ADAMTSL1: variants seen among roughly 807,000 people sequenced by gnomAD.
The protein encoded by ADAMTSL1 is ADAMTS-like protein 1.
In ADAMTSL1, 126 loss-of-function variants were observed where a neutral mutation model predicts 201.8. That is an observed-to-expected ratio of 0.62 (90% CI 0.54 to 0.72). ADAMTSL1 has a LOEUF of 0.72. ADAMTSL1 is among the 30% of genes least tolerant of loss of function. The probability of loss-of-function intolerance (pLI) is 0.00; values close to 1 mark genes in which losing one functional copy is unlikely to be tolerated. For missense variants in ADAMTSL1, 2,679 were observed against 2,277.8 expected (o/e 1.18, Z -3.59); for synonymous variants, 1,121 against 903.4 (o/e 1.24, Z -4.32).
At chr9:17,908,964 A>G (rs967194564) in intron 1 of ADAMTSL1, among the ~76,000 whole-genome samples, 33 of 151,190 alleles carry the variant, frequency 2.2e-4, no homozygotes, top group African/African-American at 8.0e-4. Flanking sequence ...CTATTTCTCC[A>G]CATCCTCTCC....
chr9:18,495,727 T>A (rs1364257124), intron 1 of ADAMTSL1, among the ~76,000 whole-genome samples: 1 of 151,986 alleles, frequency 6.6e-6, no homozygotes. Flanking sequence ...AGGTACAGAG[T>A]TTTTGATGGA....
chr9:18,605,955 T>A (rs976619429), intron 4 of ADAMTSL1, among the ~76,000 whole-genome samples: 22 of 152,036 alleles, frequency 1.4e-4, no homozygotes, highest in Non-Finnish European at 3.1e-4. Flanking sequence ...GCTCTGGAAT[T>A]GATAGTGTGT....
chr9:18,651,726 G>C (rs1427860256), intron 7 of ADAMTSL1, among the ~76,000 whole-genome samples: 1 of 152,070 alleles, frequency 6.6e-6, no homozygotes, highest in Non-Finnish European at 1.5e-5. Flanking sequence ...TGCGATTTCT[G>C]CTTGCATCAG....
At chr9:17,927,352 G>A (rs780621840) in intron 1 of ADAMTSL1, among the ~76,000 whole-genome samples, 13 of 151,694 alleles carry the variant, frequency 8.6e-5, no homozygotes, top group Non-Finnish European at 1.6e-4. Flanking sequence ...ATATGTACAT[G>A]TACATATATA....
chr9:18,840,801 G>C (rs1825667416), intron 23 of ADAMTSL1, among the ~76,000 whole-genome samples: 1 of 149,346 alleles, frequency 6.7e-6, no homozygotes, highest in Non-Finnish European at 1.5e-5. Flanking sequence ...TGAAGCAATT[G>C]TGAATGGGAG....
chr9:18,240,785 G>C (rs576947421), intron 2 of ADAMTSL1, among the ~76,000 whole-genome samples: 1 of 152,270 alleles, frequency 6.6e-6, no homozygotes, highest in African/African-American at 2.4e-5. Flanking sequence ...AGTGATCTTA[G>C]TTAGATCTTC....
At chr9:18,711,186 A>C (rs1410662399) in intron 14 of ADAMTSL1, among the ~76,000 whole-genome samples, 3 of 152,260 alleles carry the variant, frequency 2.0e-5, no homozygotes, top group Non-Finnish European at 4.4e-5. Context: ...GACTATAAAC[A>C]TTGTTCCTTA....
intron 17 of ADAMTSL1, among the ~76,000 whole-genome samples, chr9:18,774,255 C>G (rs1003331018): frequency 4.6e-5 from 7 of 151,950 alleles, no homozygotes; most frequent in African/African-American, 1.2e-4. Context: ...CATGTCACCC[C>G]CCTCTTCAGT....
intron 4 of ADAMTSL1, among the ~76,000 whole-genome samples, chr9:18,593,358 T>C (rs1824048182): frequency 6.6e-6 from 1 of 152,086 alleles, no homozygotes; most frequent in African/African-American, 2.4e-5. Flanking sequence ...AAGAAACTAT[T>C]TTTGTTTCCT....
intron 2 of ADAMTSL1, among the ~76,000 whole-genome samples, chr9:18,531,449 A>G (rs1819437999): frequency 6.6e-6 from 1 of 152,172 alleles, no homozygotes; most frequent in African/African-American, 2.4e-5. Flanking sequence ...CTGGACACTG[A>G]CACACATGTG....
chr9:18,397,951 C>G (rs556569295), intron 2 of ADAMTSL1, among the ~76,000 whole-genome samples: 1 of 152,180 alleles, frequency 6.6e-6, no homozygotes, highest in African/African-American at 2.4e-5. Flanking sequence ...AGGCTAATGC[C>G]CATAATGAGG....
chr9:18,091,069 A>ATGTGTG (rs34809656), intron 1 of ADAMTSL1, among the ~76,000 whole-genome samples: 1 of 105,784 alleles, frequency 9.5e-6, no homozygotes, highest in African/African-American at 4.1e-5. Flanking sequence ...GTGTATATGC[A>ATGTGTG]TGTGTGTGTG....
At chr9:18,526,267 C>T (rs1157822365) in intron 2 of ADAMTSL1, among the ~76,000 whole-genome samples, 1 of 152,080 alleles carries the variant, frequency 6.6e-6, no homozygotes, top group Non-Finnish European at 1.5e-5. Context: ...ATTGCAACCC[C>T]TGCCTTTGTT....
chr9:18,834,900 C>T (rs929770678), intron 23 of ADAMTSL1, among the ~76,000 whole-genome samples: 7 of 152,094 alleles, frequency 4.6e-5, no homozygotes, highest in African/African-American at 1.7e-4. Flanking sequence ...TTTTCAGTTT[C>T]TGGTTATTAC....
chr9:17,936,166 T>C (rs190008539), intron 1 of ADAMTSL1, among the ~76,000 whole-genome samples: 12 of 152,328 alleles, frequency 7.9e-5, no homozygotes, highest in Non-Finnish European at 1.5e-4. Flanking sequence ...GTATGTAATT[T>C]TTATTCTAAG....
intron 2 of ADAMTSL1, among the ~76,000 whole-genome samples, chr9:18,289,692 C>G (rs1304231884): frequency 1.3e-5 from 2 of 152,190 alleles, no homozygotes; most frequent in East Asian, 3.8e-4. Flanking sequence ...GAAAGGATGA[C>G]AAAATGATCT....
Position 18,892,257 on chromosome 9 carries a change from T to C in ADAMTSL1, c.4644-132T>C. On this transcript the variant is annotated intron_variant, in intron 25 of 28. Transcript: ENST00000380548. ...CATTTTTCAGCCTATCAATCATCTT[T>C]CCAAGTAAATACTGTAAAAAGGGCC... 4.9e-6 allele frequency: 4 copies of C among 821,402 alleles called. No homozygotes were observed. In the South Asian group the frequency reaches 5.5e-5, roughly 11 times the overall value. The allele number at this position is 821,402 out of a possible 1,614,324, so 50.9% of individuals were successfully genotyped here.
chr9:17,992,728 TA>T (rs1297206282), intron 1 of ADAMTSL1, among the ~76,000 whole-genome samples: 1 of 152,086 alleles, frequency 6.6e-6, no homozygotes, highest in African/African-American at 2.4e-5. Context: ...ACCCTAACTC[TA>T]AAAAACAGTA....
intron 2 of ADAMTSL1, among the ~76,000 whole-genome samples, chr9:18,507,539 C>T (rs1817749402): frequency 1.3e-5 from 2 of 152,114 alleles, no homozygotes; most frequent in South Asian, 2.1e-4. Flanking sequence ...TTTGCTATTA[C>T]CTTCAATTCA....
Sources: gnomAD v4.1 joint callset for allele counts (sites outside exome capture counted in the v4.1 genomes callset) on GRCh38, gnomAD v4.1.1 for gene constraint, MANE v1.5 for transcripts, NCBI Gene and HGNC (gene_info 2026-07-23, HGNC 2026-07-21) for gene names.